Variants in UBR3 observed in about 807,000 individuals in gnomAD.
UBR3 encodes the protein E3 ubiquitin-protein ligase UBR3.
In UBR3, 85 loss-of-function variants were observed where a neutral mutation model predicts 243.2. That is an observed-to-expected ratio of 0.35 (90% CI 0.29 to 0.42). UBR3 has a LOEUF of 0.42. UBR3 is among the 10% of genes least tolerant of loss of function. The pLI, the probability that UBR3 is intolerant of heterozygous loss-of-function variation, is 1.00. For missense variants in UBR3, 1,686 were observed against 2,300.8 expected (o/e 0.73, Z 5.47); for synonymous variants, 748 against 799.8 (o/e 0.94, Z 1.09).
At chr2:170,025,090 A>AT (rs1309458136) in intron 30 of UBR3, among the ~76,000 whole-genome samples, 8 of 152,222 alleles carry the variant, frequency 5.3e-5, no homozygotes, top group African/African-American at 1.7e-4. Flanking sequence ...TATATTTATG[A>AT]TTTTTTCATA....
rs116883862 is a variant in UBR3 at position 169,834,222 on chromosome 2, A to G, written c.545+6170A>G. Among the ~76,000 whole-genome samples the G allele has an allele frequency of 6.5e-4, 99 of 152,342 alleles. 2 individuals carry two copies. The East Asian group carries it at 0.017, about 26-fold the overall frequency. ...TCCCCTTAACATATTTATGGATACT[A>G]TCTCAAAAGTAGAACTGCTTCATTT... On this transcript the variant is annotated intron_variant, in intron 1 of 38. Transcript: ENST00000272793.
At chr2:169,846,507 C>T (rs867159230) in intron 1 of UBR3, among the ~76,000 whole-genome samples, 4 of 152,078 alleles carry the variant, frequency 2.6e-5, no homozygotes, top group Middle Eastern at 3.4e-3. Flanking sequence ...GTCAGGAGTT[C>T]GAGACCAGCC....
chr2:169,869,221 T>G (rs1382046155), intron 1 of UBR3, among the ~76,000 whole-genome samples: 1 of 138,070 alleles, frequency 7.2e-6, no homozygotes, highest in Non-Finnish European at 1.6e-5. Flanking sequence ...ATAAGGTTTT[T>G]TTTTTTTTTT....
At chr2:169,874,995 A>G in intron 2 of UBR3, among the ~76,000 whole-genome samples, 1 of 106,146 alleles carries the variant, frequency 9.4e-6, no homozygotes, top group South Asian at 2.9e-4. Flanking sequence ...TTGTTGTCCA[A>G]GCTTTTCTTT....
At chr2:169,948,292 A>C (rs1394756429) in intron 22 of UBR3, among the ~76,000 whole-genome samples, 1 of 152,050 alleles carries the variant, frequency 6.6e-6, no homozygotes, top group African/African-American at 2.4e-5. Flanking sequence ...TTTCTAAATT[A>C]AAATAAATTT....
intron 1 of UBR3, among the ~76,000 whole-genome samples, chr2:169,860,510 G>GT (rs771017464): frequency 3.2e-4 from 48 of 152,152 alleles, no homozygotes; most frequent in Non-Finnish European, 5.7e-4. Flanking sequence ...TGAACTAATT[G>GT]TTTAAGATGA....
intron 25 of UBR3, among the ~76,000 whole-genome samples, chr2:169,989,570 TTTG>T (rs2089183547): frequency 1.3e-5 from 2 of 152,296 alleles, no homozygotes; most frequent in Admixed American, 6.5e-5. Flanking sequence ...TTTCATGTTT[TTTG>T]TTGTTGTTTA....
At chr2:169,901,409 G>T (rs1286270046) in intron 8 of UBR3, among the ~76,000 whole-genome samples, 1 of 151,768 alleles carries the variant, frequency 6.6e-6, no homozygotes, top group Non-Finnish European at 1.5e-5. Flanking sequence ...TCCTCTTTCA[G>T]TAGTAGCATA....
chr2:169,858,299 C>A (rs6433153), intron 1 of UBR3, among the ~76,000 whole-genome samples: 1 of 152,238 alleles, frequency 6.6e-6, no homozygotes, highest in South Asian at 2.1e-4. Flanking sequence ...TTATCATAAG[C>A]CTGCTTGAAA....
chr2:169,924,732 CAT>C (rs1345631231), intron 13 of UBR3, among the ~76,000 whole-genome samples: 9 of 152,182 alleles, frequency 5.9e-5, no homozygotes, highest in African/African-American at 2.2e-4. Context: ...TGTTAGGAAA[CAT>C]AAAATTATGA....
chr2:170,051,350 T>C (rs2091212369), intron 32 of UBR3, among the ~76,000 whole-genome samples: 2 of 152,270 alleles, frequency 1.3e-5, no homozygotes, highest in Admixed American at 1.3e-4. Flanking sequence ...TATTTTATTA[T>C]TATTATTTTT....
intron 24 of UBR3, among the ~76,000 whole-genome samples, chr2:169,960,399 G>GAAATCTT (rs1391903010): frequency 6.6e-6 from 1 of 151,478 alleles, no homozygotes; most frequent in Non-Finnish European, 1.5e-5. Flanking sequence ...ACTGAAATCT[G>GAAATCTT]AAACACTAAT....
chr2:170,079,264 G>A (rs901451738), intron 36 of UBR3, among the ~76,000 whole-genome samples: 4 of 152,122 alleles, frequency 2.6e-5, no homozygotes, highest in African/African-American at 9.7e-5. Context: ...GAAAAGAATT[G>A]TAGCCCAGCA....
intron 8 of UBR3, among the ~76,000 whole-genome samples, chr2:169,897,439 A>G (rs2084633778): frequency 6.6e-6 from 1 of 151,910 alleles, no homozygotes; most frequent in African/African-American, 2.4e-5. Flanking sequence ...TTCTATATAT[A>G]TGTATATGTG....
intron 30 of UBR3, among the ~76,000 whole-genome samples, chr2:170,028,651 AAAG>A (rs1226835466): frequency 1.3e-5 from 2 of 150,112 alleles, no homozygotes; most frequent in Non-Finnish European, 3.0e-5. Context: ...TATAACAAAA[AAAG>A]AAGGGGTGCA....
chr2:169,978,598 G>A (rs1260819146), intron 24 of UBR3, among the ~76,000 whole-genome samples: 1 of 152,098 alleles, frequency 6.6e-6, no homozygotes, highest in African/African-American at 2.4e-5. Flanking sequence ...GTAGTACTGT[G>A]TAGTGGTTAC....
intron 1 of UBR3, among the ~76,000 whole-genome samples, chr2:169,839,141 G>A (rs529853050): frequency 1.3e-5 from 2 of 152,288 alleles, no homozygotes; most frequent in East Asian, 1.9e-4. Context: ...ATGGAAGAAT[G>A]GATAAAGAAA....
chr2:169,905,821 A>G (rs1397645030), intron 9 of UBR3, among the ~76,000 whole-genome samples: 1 of 152,266 alleles, frequency 6.6e-6, no homozygotes, highest in African/African-American at 2.4e-5. Flanking sequence ...GAGATAATTC[A>G]TAAAATGTTT....
intron 35 of UBR3, among the ~76,000 whole-genome samples, chr2:170,064,801 C>CTTTTTTT (rs2091521136): frequency 1.8e-5 from 1 of 55,234 alleles, no homozygotes; most frequent in Non-Finnish European, 3.9e-5. Flanking sequence ...TTTGCTTTTT[C>CTTTTTTT]TATTTTTTTT....
Sources: gnomAD v4.1 joint callset for allele counts (sites outside exome capture counted in the v4.1 genomes callset) on GRCh38, gnomAD v4.1.1 for gene constraint, MANE v1.5 for transcripts, NCBI Gene and HGNC (gene_info 2026-07-23, HGNC 2026-07-21) for gene names.